ZSWIM4: variants seen among roughly 807,000 people sequenced by gnomAD.
ZSWIM4 encodes the protein zinc finger SWIM-type containing 4, also known as zinc finger SWIM domain-containing protein 4.
A neutral mutation model predicts 102.5 loss-of-function variants in ZSWIM4; 62 were observed. That is an observed-to-expected ratio of 0.60 (90% CI 0.49 to 0.75). The LOEUF (loss-of-function observed/expected upper bound fraction) is 0.75, where lower values mean the gene tolerates loss of function less well. Among genes scored for constraint, ZSWIM4 ranks in the 30% least tolerant of loss-of-function variants. The probability of loss-of-function intolerance (pLI) is 0.00; values close to 1 mark genes in which losing one functional copy is unlikely to be tolerated. For synonymous variants in ZSWIM4, 652 were observed against 674.5 expected (o/e 0.97, Z 0.52); for missense variants, 1,280 against 1,529.6 (o/e 0.84, Z 2.72).
Position 13,830,429 on chromosome 19 carries a change from G to A in ZSWIM4, c.2700G>A (p.Ser900=), listed in dbSNP as rs776348886. The change falls in exon 14 of 14, where the codon TCG becomes TCA. Residue 900 remains serine (S), a synonymous_variant. Coordinates refer to ENST00000590508, the MANE Select transcript of ZSWIM4 (RefSeq NM_001367834.3). ...PALTLCEKNH[S]AFEAAYQIVL... ...TGACCCTGTGCGAGAAGAACCACTC[G>A]GCCTTCGAGGCGGCCTACCAGATCG... The A allele has an allele frequency of 2.5e-6, 4 of 1,609,766 alleles. No individual in the cohort carries two copies. Among genetic ancestry groups the A allele is most frequent in the Non-Finnish European group, 1.7e-6 (2 of 1,179,896 alleles).
At chr19:13,816,587 G>A (rs746404037) in intron 7 of ZSWIM4, among the ~76,000 whole-genome samples, 4 of 152,060 alleles carry the variant, frequency 2.6e-5, no homozygotes, top group African/African-American at 4.8e-5. Context: ...CTGAGATCAC[G>A]CCATTGCACT....
intron 7 of ZSWIM4, among the ~76,000 whole-genome samples, 194 bp from the exon 8 acceptor site, chr19:13,817,022 T>G (rs542773777): frequency 6.6e-6 from 1 of 152,014 alleles, no homozygotes; most frequent in Non-Finnish European, 1.5e-5. Flanking sequence ...TGAGCTATGA[T>G]TGGGCCACTG....
chr19:13,821,157 A>G (rs1975451497), intron 10 of ZSWIM4, among the ~76,000 whole-genome samples: 1 of 151,844 alleles, frequency 6.6e-6, no homozygotes, highest in Non-Finnish European at 1.5e-5. Context: ...GGAGGTGCAT[A>G]CCTGTAATCC....
At chr19:13,803,335 C>G (rs781766861) in intron 2 of ZSWIM4, among the ~76,000 whole-genome samples, 13 of 152,236 alleles carry the variant, frequency 8.5e-5, no homozygotes, top group African/African-American at 3.1e-4. Flanking sequence ...CCCTGGCTTA[C>G]TTCATCAGCC....
chr19:13,819,524 G>T, intron 10 of ZSWIM4, 32 bp downstream of exon 10: 6 of 1,560,768 alleles, frequency 3.8e-6, no homozygotes, highest in Non-Finnish European at 5.2e-6. Context: ...AGTGGCAGGG[G>T]GAGCTGGGGG....
chr19:13,828,540 A>G (rs1485729751), intron 12 of ZSWIM4, 105 bp from the exon 13 acceptor site: 3 of 882,852 alleles, frequency 3.4e-6, no homozygotes, highest in Non-Finnish European at 3.6e-6. Context: ...TCATTGGATC[A>G]GCTTTAACCT....
At chr19:13,817,685 G>C (rs1599604837) in intron 8 of ZSWIM4, 37 bp from the exon 9 acceptor site, 1 of 1,601,946 alleles carries the variant, frequency 6.2e-7, no homozygotes, top group East Asian at 2.2e-5. Context: ...TAGGGAAGGG[G>C]ATCCGTCTCC....
intron 7 of ZSWIM4, among the ~76,000 whole-genome samples, 191 bp from the exon 8 acceptor site, chr19:13,817,019 TGATTGG>T (rs1431797263): frequency 6.6e-6 from 1 of 151,820 alleles, no homozygotes; most frequent in Non-Finnish European, 1.5e-5. Flanking sequence ...CAGTGAGCTA[TGATTGG>T]GCCACTGCAC....
rs1468026012 is a variant in ZSWIM4, at chr19:13,801,151, A to AAAAT, written c.355+1233_355+1234insTAAA. On this transcript the variant is annotated intron_variant, in intron 2 of 13. Coordinates refer to ENST00000590508, the MANE Select transcript of ZSWIM4 (RefSeq NM_001367834.3). ...GAGCGAGATGCTATCTCAAAGAGAA[A>AAAAT]AAAGAAAAAAAAAAAGGAAGAGAGG... 9.2e-4 allele frequency among the ~76,000 whole-genome samples: 104 copies of AAAAT among 113,402 alleles called. 3 individuals are homozygous for AAAAT. In the South Asian group the frequency reaches 0.026, roughly 28 times the overall value. The allele number at this position is 113,402 out of a possible 152,430, so 74.4% of individuals were successfully genotyped here. A position where few individuals can be genotyped will look rare whatever the true frequency, so the allele number is the denominator to read the frequency against.
intron 2 of ZSWIM4, among the ~76,000 whole-genome samples, chr19:13,802,502 C>G (rs1188179579): frequency 6.6e-6 from 1 of 151,606 alleles, no homozygotes; most frequent in South Asian, 2.1e-4. Flanking sequence ...ATCAGTTGAA[C>G]CCGGGAGGCA....
At position 13,814,799 on chromosome 19, in the gene ZSWIM4, G is replaced by C. The variant is rs1252893513; in HGVS notation, c.1465G>C (p.Ala489Pro). 1 of 1,284,102 alleles carries C rather than the reference G, an allele frequency of 7.8e-7. No individual in the cohort carries two copies. 79.5% of individuals were successfully genotyped at this position (1,284,102 alleles called of 1,614,324 possible). A position where few individuals can be genotyped will look rare whatever the true frequency, so the allele number is the denominator to read the frequency against. ...YPRQALRLAS[A>P]IINTLRLQQR... ...CCGCCAGGCCCTGCGGCTGGCAAGT[G>C]CCATCATCAACACACTCCGGCTGCA... The change falls in exon 7 of 14, where the codon GCC becomes CCC. Residue 489 changes from alanine to proline, a missense_variant. Ala to Pro is a conservative substitution (Grantham distance 27). Transcript: ENST00000590508.
rs981979096 is a variant in ZSWIM4 at position 13,825,346 on chromosome 19, C to G, written c.2216-204C>G. ...CCGGCCCCTAGGTGGCTTTCTGTAA[C>G]AGGAAAGGGCCAGAGAGGAGATAAT... On this transcript the variant is annotated intron_variant, in intron 11 of 13. Transcript: ENST00000590508. This position sits in a 1 kb window ranked among gnomAD's most constrained non-coding sequence, Gnocchi z 4.6. Among the ~76,000 whole-genome samples the G allele has an allele frequency of 5.9e-5, 9 of 152,074 alleles. No individual in the cohort carries two copies. Among genetic ancestry groups the G allele is most frequent in the Non-Finnish European group, 1.2e-4 (8 of 68,026 alleles).
chr19:13,816,045 A>G (rs1417072606), intron 7 of ZSWIM4, among the ~76,000 whole-genome samples: 1 of 123,794 alleles, frequency 8.1e-6, no homozygotes, highest in Non-Finnish European at 1.7e-5. Flanking sequence ...GGGGGGAGAG[A>G]GAGGGGAAGG....
In ZSWIM4 at chr19:13,831,381, T is replaced by C; in HGVS notation, c.*331T>C. On this transcript the variant is annotated 3_prime_UTR_variant, in exon 14 of 14. Coordinates refer to ENST00000590508, the MANE Select transcript of ZSWIM4 (RefSeq NM_001367834.3). ...CTGGCTTGGGCTCCAGGAGGGAGGC[T>C]GGGAGGCAGGACTTTCCAGAAATCG... The C allele has an allele frequency of 4.0e-6, 1 of 252,556 alleles. No individual in the cohort carries two copies. Among genetic ancestry groups the C allele is most frequent in the Non-Finnish European group, 7.5e-6 (1 of 132,544 alleles). The allele number at this position is 252,556 out of a possible 1,614,324, so 15.6% of individuals were successfully genotyped here.
At position 13,817,328 on chromosome 19, in the gene ZSWIM4, G is replaced by A. The variant is rs763815618; in HGVS notation, c.1644G>A (p.Glu548=). The change falls in exon 8 of 14, where the codon GAG becomes GAA. Residue 548 remains glutamate (E), a synonymous_variant. Transcript: ENST00000590508. ...CRALLEACRL[E]EETLTLYPDS... The stretch of plus-strand genomic sequence containing the variant: ...CGCTCCTGGAGGCCTGTCGTCTGGA[G>A]GAGGAGACACTTACCCTTTACCCAG... The A allele has an allele frequency of 2.5e-6, 4 of 1,613,920 alleles. No homozygotes were observed. Among genetic ancestry groups the A allele is most frequent in the Non-Finnish European group, 3.4e-6 (4 of 1,179,860 alleles).
At chr19:13,822,755 G>A (rs1009423769) in intron 10 of ZSWIM4, among the ~76,000 whole-genome samples, 4 of 152,090 alleles carry the variant, frequency 2.6e-5, no homozygotes, top group African/African-American at 4.8e-5. Context: ...CGAGGAGGGC[G>A]GATCACCTAA....
Position 13,805,165 on chromosome 19 carries a change from G to A in ZSWIM4, c.712+17G>A. The A allele has an allele frequency of 1.3e-6, 2 of 1,584,784 alleles. No individual in the cohort carries two copies. Among genetic ancestry groups the A allele is most frequent in the Non-Finnish European group, 1.7e-6 (2 of 1,168,646 alleles). ...TGGTGAATGGTAAGGGCACCCCGGG[G>A]GTCCGGTGGGGAGAGGATGCCCAAG... On this transcript the variant is annotated intron_variant, in intron 3 of 13. Transcript: ENST00000590508.
At chr19:13,823,774 A>G (rs1330997601) in intron 11 of ZSWIM4, among the ~76,000 whole-genome samples, 1 of 152,188 alleles carries the variant, frequency 6.6e-6, no homozygotes, top group Non-Finnish European at 1.5e-5. Flanking sequence ...GGAGTGGAAT[A>G]AAACAGTTGA....
Position 13,813,013 on chromosome 19 carries a change from C to A in ZSWIM4, c.1029C>A (p.Cys343Ter). 1.2e-6 allele frequency: 2 copies of A among 1,611,412 alleles called. No homozygotes were observed. The highest frequency in any genetic ancestry group is 1.7e-6 in the Non-Finnish European group (2 of 1,178,494). Residue 343 changes from cysteine to a stop codon, truncating the protein, a stop_gained, in exon 6 of 14, where the codon TGC becomes TGA. Transcript: ENST00000590508. LOFTEE classifies it high-confidence loss of function. Reference protein sequence around the residue: ...LWDELGALWVCVVLSPHCKPE... With the variant: ...LWDELGALWV ...CCTCCTCAGGGGCCCTGTGGGTTTG[C>A]GTCGTCCTGAGCCCCCACTGCAAAC...
Sources: gnomAD v4.1 joint callset for allele counts (sites outside exome capture counted in the v4.1 genomes callset) on GRCh38, gnomAD v4.1.1 for gene constraint, Gnocchi (gnomAD v3.1) non-coding constraint, MANE v1.5 for transcripts, NCBI Gene and HGNC (gene_info 2026-07-23, HGNC 2026-07-21) for gene names.